The following AKAP8 variants were observed in gnomAD, a reference collection of about 807,000 sequenced individuals.
AKAP8 encodes A-kinase anchoring protein 8.
In AKAP8, 24 loss-of-function variants were observed where a neutral mutation model predicts 67.5. The observed-to-expected ratio is 0.36, with a 90% CI of 0.26 to 0.50. The LOEUF (loss-of-function observed/expected upper bound fraction) is 0.50. AKAP8 is among the 20% of genes least tolerant of loss of function. The pLI, the probability that AKAP8 is intolerant of heterozygous loss-of-function variation, is 0.97. For synonymous variants in AKAP8, 400 were observed against 371.1 expected (o/e 1.08, Z -0.90); for missense variants, 971 against 955.9 (o/e 1.02, Z -0.21).
Position 15,371,998 on chromosome 19 carries a change from T to C in AKAP8, c.992A>G (p.Asp331Gly). Residue 331 changes from aspartate (D) to glycine (G), a missense_variant and splice_region_variant, in exon 7 of 14, where the codon GAT becomes GGT. Asp to Gly is a moderately conservative substitution (Grantham distance 94). Coordinates refer to ENST00000269701, the MANE Select transcript of AKAP8 (RefSeq NM_005858.4). ...VDSEGDFSEN[D>G]DAAGDFRSGD... Reference sequence around the variant, plus strand: ...TGAGCGGAAGTCACCAGCTGCGTCATCTGCCAGACACAAAGAAAGGAAAAG... The same window carrying C: ...TGAGCGGAAGTCACCAGCTGCGTCACCTGCCAGACACAAAGAAAGGAAAAG... The C allele has an allele frequency of 6.2e-7, 1 of 1,614,132 alleles. No individual in the cohort carries two copies. Among genetic ancestry groups the C allele is most frequent in the South Asian group, 1.1e-5 (1 of 91,058 alleles).
chr19:15,375,488 A>C (rs1396363329), intron 2 of AKAP8, among the ~76,000 whole-genome samples: 1 of 152,162 alleles, frequency 6.6e-6, no homozygotes, highest in Non-Finnish European at 1.5e-5. Flanking sequence ...TTCAATGACA[A>C]ATTTTGACAT....
intron 1 of AKAP8, among the ~76,000 whole-genome samples, chr19:15,378,141 G>C (rs1377691526): frequency 6.6e-6 from 1 of 152,196 alleles, no homozygotes; most frequent in African/African-American, 2.4e-5. Context: ...AGAGACAAGG[G>C]AGCTAGGCTC....
chr19:15,375,346 AG>A (rs1274768001), intron 2 of AKAP8, among the ~76,000 whole-genome samples: 3 of 152,192 alleles, frequency 2.0e-5, no homozygotes, highest in Admixed American at 1.3e-4. Flanking sequence ...CACAGCCCTT[AG>A]GATTTTCGAA....
intron 2 of AKAP8, among the ~76,000 whole-genome samples, chr19:15,375,604 G>T (rs918056711): frequency 6.6e-6 from 1 of 150,750 alleles, no homozygotes; most frequent in Non-Finnish European, 1.5e-5. Context: ...CTGATTAATT[G>T]TAACAAATGC....
At chr19:15,378,034 C>A (rs1967283970) in intron 1 of AKAP8, among the ~76,000 whole-genome samples, 1 of 152,136 alleles carries the variant, frequency 6.6e-6, no homozygotes, top group Admixed American at 6.5e-5. Flanking sequence ...ATCCATGTCT[C>A]CCTCACCAGA....
At chr19:15,367,945 G>A (rs1468955900) in intron 9 of AKAP8, among the ~76,000 whole-genome samples, 2 of 152,234 alleles carry the variant, frequency 1.3e-5, no homozygotes, top group South Asian at 2.1e-4. Context: ...TGGGATTCCA[G>A]AGGAATAGAG....
chr19:15,362,675 G>A (rs2145066833), intron 9 of AKAP8, among the ~76,000 whole-genome samples: 1 of 151,562 alleles, frequency 6.6e-6, no homozygotes, highest in East Asian at 2.0e-4. Flanking sequence ...TGGTGCCCAG[G>A]CTGGAGTGCA....
intron 10 of AKAP8, 53 bp downstream of exon 10, chr19:15,362,057 G>A (rs562559345): frequency 2.0e-5 from 32 of 1,602,304 alleles, no homozygotes; most frequent in African/African-American, 6.7e-5. Context: ...CAAGGGATCC[G>A]GCACCTGCGG....
Position 15,379,606 on chromosome 19 carries a change from G to C in AKAP8, c.19+107C>G. The C allele has an allele frequency of 2.9e-6, 4 of 1,365,716 alleles. No homozygotes were observed. In the East Asian group the frequency reaches 8.8e-5, roughly 30 times the overall value. The allele number at this position is 1,365,716 out of a possible 1,614,324, so 84.6% of individuals were successfully genotyped here. ...CGCCTCTCCGGAGGGCCCAGCTGGG[G>C]CAACCACGCTCGGGACGAAGGCCCG... On this transcript the variant is annotated intron_variant, in intron 1 of 13. Coordinates refer to ENST00000269701, the MANE Select transcript of AKAP8 (RefSeq NM_005858.4).
intron 3 of AKAP8, 120 bp from the exon 4 acceptor site, chr19:15,374,185 C>T: frequency 8.4e-7 from 1 of 1,189,844 alleles, no homozygotes. Flanking sequence ...GGACCCAGTG[C>T]TGCTGGCATC....
chr19:15,359,090 TAAA>T, intron 12 of AKAP8, 28 bp from the exon 13 acceptor site: 1 of 1,595,734 alleles, frequency 6.3e-7, no homozygotes, highest in Non-Finnish European at 8.6e-7. Context: ...TGTGAGCTCT[TAAA>T]AATGGCAAAG....
Position 15,354,814 on chromosome 19 carries a change from C to T in AKAP8, c.*101G>A, listed in dbSNP as rs2048266322. On this transcript the variant is annotated 3_prime_UTR_variant, in exon 14 of 14. Coordinates refer to ENST00000269701, the MANE Select transcript of AKAP8 (RefSeq NM_005858.4). Reference sequence around the variant, plus strand: ...TCTCTTCACCAAAATTAGATTACAGCATATTCTGGGAGCACACGCCCTTGT... The same window carrying T: ...TCTCTTCACCAAAATTAGATTACAGTATATTCTGGGAGCACACGCCCTTGT... 2 of 1,377,186 alleles carry T rather than the reference C, an allele frequency of 1.5e-6. No individual in the cohort carries two copies. The highest frequency in any genetic ancestry group is 1.3e-5 in the South Asian group (1 of 76,100). The allele number at this position is 1,377,186 out of a possible 1,614,324, so 85.3% of individuals were successfully genotyped here.
chr19:15,373,985 A>G lies in AKAP8; in HGVS notation c.172T>C (p.Trp58Arg). Residue 58 changes from tryptophan (W) to arginine (R), a missense_variant, in exon 4 of 14, where the codon TGG becomes CGG. This residue lies in a region of AKAP8 where 763 missense variants were observed against 745.4 expected (regional missense o/e 1.02). Transcript: ENST00000269701. Reference protein sequence around the residue: ...GATYSYGPASWEAAKANDGGL... With the variant: ...GATYSYGPASREAAKANDGGL... ...CCATCATTGGCCTTGGCGGCCTCCCACGAGGCTGGGCCGTAGCTGTAGGTT... is the reference window on the plus strand; with the variant it reads ...CCATCATTGGCCTTGGCGGCCTCCCGCGAGGCTGGGCCGTAGCTGTAGGTT... 1.9e-6 allele frequency: 3 copies of G among 1,613,124 alleles called. No homozygotes were observed. Among genetic ancestry groups the G allele is most frequent in the Non-Finnish European group, 2.5e-6 (3 of 1,179,704 alleles).
Position 15,354,853 on chromosome 19 carries a change from C to G in AKAP8, c.*62G>C. 1 of 1,579,810 alleles carries G rather than the reference C, an allele frequency of 6.3e-7. No homozygotes were observed. Among genetic ancestry groups the G allele is most frequent in the Non-Finnish European group, 8.6e-7 (1 of 1,160,630 alleles). ...ACACGCCCTTGTACTGCTTACAAAC[C>G]AAGGGAGAAAGACCAACGCATCCAT... On this transcript the variant is annotated 3_prime_UTR_variant, in exon 14 of 14. Coordinates refer to ENST00000269701, the MANE Select transcript of AKAP8 (RefSeq NM_005858.4).
At chr19:15,377,181 G>A (rs916146309) in intron 1 of AKAP8, among the ~76,000 whole-genome samples, 167 bp from the exon 2 acceptor site, 20 of 152,058 alleles carry the variant, frequency 1.3e-4, no homozygotes, top group Admixed American at 3.3e-4. Context: ...GGCTAATGGC[G>A]TCATCGCATT....
At chr19:15,370,013 G>A in intron 8 of AKAP8, 133 bp downstream of exon 8, 1 of 1,069,142 alleles carries the variant, frequency 9.4e-7, no homozygotes, top group Non-Finnish European at 1.4e-6. Context: ...GGCCCATCTG[G>A]TGGCTGCAGC....
chr19:15,361,066 C>T (rs1966957076), intron 11 of AKAP8, 88 bp from the exon 12 acceptor site: 1 of 1,508,584 alleles, frequency 6.6e-7, no homozygotes, highest in Non-Finnish European at 8.9e-7. Context: ...TTTCTCCCTG[C>T]AACTCTAAGG....
At chr19:15,372,496 G>T in intron 5 of AKAP8, 149 bp from the exon 6 acceptor site, 1 of 1,228,020 alleles carries the variant, frequency 8.1e-7, no homozygotes, top group African/African-American at 1.5e-5. Context: ...AAACTAAAAA[G>T]AAAATCATGC....
At chr19:15,355,928 G>A (rs2048275304) in intron 13 of AKAP8, among the ~76,000 whole-genome samples, 1 of 151,988 alleles carries the variant, frequency 6.6e-6, no homozygotes, top group Non-Finnish European at 1.5e-5. Flanking sequence ...TGGAGACGGG[G>A]TTTCACCATG....
Sources: allele counts gnomAD v4.1 joint callset (sites outside exome capture counted in the v4.1 genomes callset), GRCh38; gene constraint gnomAD v4.1.1; regional missense constraint gnomAD v4.1.1; transcripts MANE v1.5; gene names NCBI Gene and HGNC (gene_info 2026-07-23, HGNC 2026-07-21).